The following POU2F1 variants were observed in gnomAD, a reference collection of about 807,000 sequenced individuals.
The protein encoded by POU2F1 is POU domain, class 2, transcription factor 1.
POU2F1 carries 16 observed loss-of-function variants against 84.9 expected under a neutral mutation model. That is an observed-to-expected ratio of 0.19 (90% confidence interval 0.13 to 0.29). The LOEUF (loss-of-function observed/expected upper bound fraction) is 0.29. Among genes scored for constraint, POU2F1 ranks in the 10% least tolerant of loss-of-function variants. The pLI, the probability that POU2F1 is intolerant of heterozygous loss-of-function variation, is 1.00. For synonymous variants in POU2F1, 368 were observed against 368.3 expected, an observed-to-expected ratio of 1.00 and a Z score of 0.01; for missense variants, 738 against 942.6, an observed-to-expected ratio of 0.78 and a Z score of 2.84.
chr1:167,413,262 C>A, intron 15 of POU2F1, 148 bp downstream of exon 15: 1 of 702,774 alleles, frequency 1.4e-6, no homozygotes, highest in Non-Finnish European at 2.4e-6. Flanking sequence ...TGCTGACTAA[C>A]TTGTTCTTGA....
Position 167,365,484 on chromosome 1 carries a change from C to T in POU2F1, c.145C>T (p.Leu49=). ...DGNTGTQTNG[L]DFQKQPVPVG... is the part of the protein sequence containing the mutation. ...CTTTCTAGGCACACAAACCAATGGT[C>T]TGGACTTTCAGAAGCAGCCTGTGCC... Residue 49 remains leucine (L), a synonymous_variant, in exon 3 of 16, where the codon CTG becomes TTG. Transcript: ENST00000367866. The T allele has an allele frequency of 6.2e-7, 1 of 1,600,992 alleles. No homozygotes were observed. The highest frequency in any genetic ancestry group is 1.7e-5 in the Admixed American group (1 of 57,306).
intron 1 of POU2F1, among the ~76,000 whole-genome samples, chr1:167,269,052 A>C (rs1652178095): frequency 1.3e-5 from 2 of 152,180 alleles, no homozygotes. Flanking sequence ...ATCTGCTCCT[A>C]CTTATTGGAT....
rs188380610 is a variant in POU2F1 at position 167,326,886 on chromosome 1, G to A, written c.62-5584G>A. Reference sequence around the variant, plus strand: ...TAGTTTAGAGATGTTATTACATAAAGTAGAAAAGGGCAGATGGTAAGTTGC... The same window carrying A: ...TAGTTTAGAGATGTTATTACATAAAATAGAAAAGGGCAGATGGTAAGTTGC... On this transcript the variant is annotated intron_variant, in intron 1 of 15. Transcript: ENST00000367866. 4.6e-5 allele frequency among the ~76,000 whole-genome samples: 7 copies of A among 152,262 alleles called. No homozygotes were observed. In the East Asian group the frequency reaches 1.2e-3, roughly 25 times the overall value.
Position 167,327,737 on chromosome 1 carries a change from A to G in POU2F1, c.62-4733A>G, listed in dbSNP as rs79819752. 5.0e-3 allele frequency among the ~76,000 whole-genome samples: 766 copies of G among 152,270 alleles called. 11 individuals are homozygous for G. Among genetic ancestry groups the G allele is most frequent in the African/African-American group, 0.018 (737 of 41,546 alleles). On this transcript the variant is annotated intron_variant, in intron 1 of 15. Transcript: ENST00000367866. ...TCTGCTGCTTTACCACCTCTCAGCA[A>G]TTCCCTACGTGTTTAACTCATCCAT...
intron 1 of POU2F1, among the ~76,000 whole-genome samples, chr1:167,307,652 T>C (rs1478531638): frequency 6.6e-6 from 1 of 152,160 alleles, no homozygotes; most frequent in Non-Finnish European, 1.5e-5. Flanking sequence ...CCCCAACTAC[T>C]TTACTGTCCC....
In POU2F1 at chr1:167,381,654, A is replaced by G. The variant is rs1571408936; in HGVS notation, c.719-2203A>G. 2.7e-5 allele frequency among the ~76,000 whole-genome samples: 3 copies of G among 111,018 alleles called. 1 individual carries two copies. In the South Asian group the frequency reaches 8.7e-4, roughly 32 times the overall value. 72.8% of individuals were successfully genotyped at this position (111,018 alleles called of 152,430 possible). A position where few individuals can be genotyped will look rare whatever the true frequency, so the allele number is the denominator to read the frequency against. ...GAGACAGAGTCTTGTTTTTTCACCC[A>G]GGCTGGAGTACAGTGGCGCAGTCTT... On this transcript the variant is annotated intron_variant, in intron 7 of 15. Coordinates refer to ENST00000367866, the MANE Select transcript of POU2F1 (RefSeq NM_002697.4).
chr1:167,312,962 A>G (rs1333447409), intron 1 of POU2F1, among the ~76,000 whole-genome samples: 1 of 152,260 alleles, frequency 6.6e-6, no homozygotes, highest in Non-Finnish European at 1.5e-5. Flanking sequence ...GCCTAGGAGC[A>G]ATAGGCTATG....
intron 1 of POU2F1, among the ~76,000 whole-genome samples, chr1:167,303,078 T>C (rs1236710608): frequency 3.3e-5 from 5 of 152,164 alleles, no homozygotes; most frequent in Non-Finnish European, 5.9e-5. Context: ...TATGTATATA[T>C]ATAAAGCCAG....
At chr1:167,220,985 C>A (rs925521140) in intron 1 of POU2F1, 27 bp downstream of exon 1, 2 of 1,525,470 alleles carry the variant, frequency 1.3e-6, no homozygotes, top group Middle Eastern at 1.8e-4. Flanking sequence ...TTTACATATT[C>A]ATATTCATAC....
intron 1 of POU2F1, among the ~76,000 whole-genome samples, chr1:167,300,916 G>A (rs1179415726): frequency 2.0e-5 from 3 of 151,914 alleles, no homozygotes; most frequent in African/African-American, 4.8e-5. Context: ...GATTACAGGC[G>A]CATGCCACCA....
At chr1:167,347,640 T>A (rs1476976749) in intron 2 of POU2F1, among the ~76,000 whole-genome samples, 1 of 152,192 alleles carries the variant, frequency 6.6e-6, no homozygotes, top group Non-Finnish European at 1.5e-5. Context: ...CCAAAACATT[T>A]TCATCACCCC....
chr1:167,425,612 G>T lies in POU2F1; in HGVS notation c.*9802G>T, dbSNP rs1290052211. 1 of 152,370 alleles carries T rather than the reference G, an allele frequency of 6.6e-6. No individual in the cohort carries two copies. The highest frequency in any genetic ancestry group is 1.5e-5 in the Non-Finnish European group (1 of 68,158). The allele number at this position is 152,370 out of a possible 1,614,324, so 9.4% of individuals were successfully genotyped here. On this transcript the variant is annotated 3_prime_UTR_variant, in exon 16 of 16. Transcript: ENST00000367866. ...CAACCAGGGTCACTATGGGGACTTA[G>T]CACAGGGCCTAGGGAGGGTGGGAGC...
At chr1:167,367,079 C>G (rs966927489) in intron 3 of POU2F1, among the ~76,000 whole-genome samples, 2 of 152,120 alleles carry the variant, frequency 1.3e-5, no homozygotes, top group African/African-American at 4.8e-5. Flanking sequence ...CCCTTCAATA[C>G]CACCCAGACC....
At chr1:167,369,657 G>A (rs899457710) in intron 3 of POU2F1, among the ~76,000 whole-genome samples, 5 of 152,086 alleles carry the variant, frequency 3.3e-5, no homozygotes, top group African/African-American at 1.2e-4. Context: ...TTTAAGTTAT[G>A]ATTATAAATG....
chr1:167,223,824 A>G (rs892905642), intron 1 of POU2F1, among the ~76,000 whole-genome samples: 2 of 152,228 alleles, frequency 1.3e-5, no homozygotes, highest in African/African-American at 4.8e-5. Context: ...AAGCAGCAAT[A>G]TAATTTCATG....
chr1:167,404,557 C>CA (rs1364829784), intron 13 of POU2F1, among the ~76,000 whole-genome samples: 1 of 152,158 alleles, frequency 6.6e-6, no homozygotes, highest in Non-Finnish European at 1.5e-5. Flanking sequence ...GTTCCATAGT[C>CA]AGATTTTATT....
intron 1 of POU2F1, among the ~76,000 whole-genome samples, chr1:167,239,105 A>G (rs79409093): frequency 0.025 from 3,795 of 152,262 alleles, 151 homozygotes; most frequent in African/African-American, 0.084. Context: ...TGGACAGCCA[A>G]CTGTCCTAAC....
At chr1:167,245,411 ATTTTTTTT>A (rs985054717) in intron 1 of POU2F1, among the ~76,000 whole-genome samples, 1 of 132,482 alleles carries the variant, frequency 7.5e-6, no homozygotes, top group Non-Finnish European at 1.6e-5. Flanking sequence ...TGCCTGGCTA[ATTTTTTTT>A]TTTTTTTTTT....
intron 1 of POU2F1, among the ~76,000 whole-genome samples, chr1:167,300,397 T>C (rs1477734467): frequency 6.6e-6 from 1 of 152,200 alleles, no homozygotes; most frequent in Non-Finnish European, 1.5e-5. Context: ...CAAACCTACA[T>C]ATGTACCCTC....
Sources: allele counts gnomAD v4.1 joint callset (sites outside exome capture counted in the v4.1 genomes callset), GRCh38; gene constraint gnomAD v4.1.1; transcripts MANE v1.5; gene names NCBI Gene and HGNC (gene_info 2026-07-23, HGNC 2026-07-21).